Variants in EYS observed in about 807,000 individuals in gnomAD.
The protein encoded by EYS is protein eyes shut homolog.
In EYS, 250 loss-of-function variants were observed where a neutral mutation model predicts 282.1. The ratio of observed to expected loss-of-function variants is 0.89; its 90% CI spans 0.80 to 0.98. The LOEUF (loss-of-function observed/expected upper bound fraction) is 0.98, where lower values mean the gene tolerates loss of function less well. Among genes scored for constraint, EYS ranks in the 50% least tolerant of loss-of-function variants. The pLI, the probability that EYS is intolerant of heterozygous loss-of-function variation, is 0.00. For missense variants in EYS, 4,016 were observed against 3,709.0 expected (o/e 1.08, Z -2.15); for synonymous variants, 1,355 against 1,282.9 (o/e 1.06, Z -1.20).
chr6:64,137,384 C>T (rs949573169), intron 31 of EYS, among the ~76,000 whole-genome samples: 1 of 152,074 alleles, frequency 6.6e-6, no homozygotes, highest in Non-Finnish European at 1.5e-5. Context: ...AGATCTTTTC[C>T]TTTGCATTCA....
intron 5 of EYS, among the ~76,000 whole-genome samples, chr6:65,448,522 A>T (rs1037445286): frequency 6.6e-6 from 1 of 152,026 alleles, no homozygotes; most frequent in Admixed American, 6.6e-5. Context: ...TGCTTCATTG[A>T]CATGAAACTG....
chr6:64,391,054 G>A (rs987799840), intron 28 of EYS, among the ~76,000 whole-genome samples: 2 of 152,262 alleles, frequency 1.3e-5, no homozygotes, highest in Admixed American at 1.3e-4. Context: ...ATGAAATGAA[G>A]CGAGAAGGGA....
At chr6:64,127,802 A>G (rs1161112496) in intron 31 of EYS, among the ~76,000 whole-genome samples, 1 of 152,158 alleles carries the variant, frequency 6.6e-6, no homozygotes, top group Non-Finnish European at 1.5e-5. Flanking sequence ...AACTGTTTCA[A>G]GGAATCTTGA....
At chr6:65,461,668 TA>T (rs2150410002) in intron 5 of EYS, among the ~76,000 whole-genome samples, 1 of 152,272 alleles carries the variant, frequency 6.6e-6, no homozygotes, top group African/African-American at 2.4e-5. Flanking sequence ...GTTTTAAGCA[TA>T]CCTTCTTAAG....
At chr6:64,440,116 A>T (rs1162806410) in intron 26 of EYS, among the ~76,000 whole-genome samples, 1 of 151,806 alleles carries the variant, frequency 6.6e-6, no homozygotes, top group Non-Finnish European at 1.5e-5. Context: ...GACGTCCCCA[A>T]CACAAGCTTT....
At chr6:64,933,546 T>C (rs1326154031) in intron 15 of EYS, among the ~76,000 whole-genome samples, 1 of 151,960 alleles carries the variant, frequency 6.6e-6, no homozygotes, top group Non-Finnish European at 1.5e-5. Context: ...GAGTGTAAAT[T>C]AGTTGCACCA....
rs552081577 is a variant in EYS at position 64,853,986 on chromosome 6, G to A, written c.2993-31164C>T. Among the ~76,000 whole-genome samples the A allele has an allele frequency of 6.1e-3, 932 of 151,986 alleles. 4 individuals are homozygous for A. Among genetic ancestry groups the A allele is most frequent in the Non-Finnish European group, 8.7e-3 (594 of 67,956 alleles). ...AAATAAGACATTTATGCAGCCAACA[G>A]ACACATGAAAAAATGCTCATCATCA... On this transcript the variant is annotated intron_variant, in intron 19 of 42. Coordinates refer to ENST00000503581, the MANE Select transcript of EYS (RefSeq NM_001142800.2).
intron 31 of EYS, among the ~76,000 whole-genome samples, chr6:64,103,105 G>A (rs1772888883): frequency 6.6e-6 from 1 of 152,088 alleles, no homozygotes; most frequent in African/African-American, 2.4e-5. Flanking sequence ...TTAAAGCCTG[G>A]ATGATGATAG....
At chr6:64,815,328 C>A in intron 21 of EYS, 1 of 311,854 alleles carries the variant, frequency 3.2e-6, no homozygotes, top group Non-Finnish European at 6.5e-6. Flanking sequence ...CAGGGAGTGG[C>A]ATGGAAACAT....
At chr6:65,501,694 A>G (rs192488683) in intron 2 of EYS, among the ~76,000 whole-genome samples, 331 of 151,902 alleles carry the variant, frequency 2.2e-3, no homozygotes, top group Middle Eastern at 0.011. Flanking sequence ...TTAAATTTTT[A>G]TCAAAATATA....
At chr6:64,507,607 G>GAT (rs201740344) in intron 26 of EYS, among the ~76,000 whole-genome samples, 2,969 of 152,106 alleles carry the variant, frequency 0.02, 47 homozygotes, top group African/African-American at 0.046. Context: ...AATACAACTT[G>GAT]GTTCCTAGAT....
intron 5 of EYS, among the ~76,000 whole-genome samples, chr6:65,483,072 T>TCTTAC (rs1300173665): frequency 6.6e-5 from 10 of 152,284 alleles, no homozygotes; most frequent in African/African-American, 2.4e-4. Flanking sequence ...GATGCATAAA[T>TCTTAC]CTTACATAAC....
chr6:64,055,481 T>C (rs1330064296), intron 33 of EYS, among the ~76,000 whole-genome samples: 1 of 152,166 alleles, frequency 6.6e-6, no homozygotes, highest in Non-Finnish European at 1.5e-5. Flanking sequence ...AAGAGTGCTT[T>C]GCTTCCTCAC....
chr6:65,055,572 C>T lies in EYS; in HGVS notation c.2137+2042G>A, dbSNP rs567038730. ...TGTTCCAATATCTCTTCCAAGATACCATATTACTTTTAGAAGTAATATTTC... is the reference window on the plus strand; with the variant it reads ...TGTTCCAATATCTCTTCCAAGATACTATATTACTTTTAGAAGTAATATTTC... On this transcript the variant is annotated intron_variant, in intron 13 of 42. Transcript: ENST00000503581. 7.2e-5 allele frequency among the ~76,000 whole-genome samples: 11 copies of T among 151,984 alleles called. 1 individual carries two copies. The South Asian group carries it at 1.9e-3, about 26-fold the overall frequency.
At chr6:64,703,435 T>A (rs1376946777) in intron 22 of EYS, among the ~76,000 whole-genome samples, 1,110 of 93,948 alleles carry the variant, frequency 0.012, 88 homozygotes, top group African/African-American at 0.038. Context: ...ATATATTTTT[T>A]TTTTTTTTTT....
intron 34 of EYS, among the ~76,000 whole-genome samples, chr6:63,997,390 C>T (rs1160567422): frequency 6.6e-6 from 1 of 152,106 alleles, no homozygotes; most frequent in South Asian, 2.1e-4. Context: ...CCTCCACAAG[C>T]GTGACCAAAT....
intron 12 of EYS, among the ~76,000 whole-genome samples, chr6:65,251,183 A>C (rs1355876411): frequency 7.1e-6 from 1 of 141,318 alleles, no homozygotes; most frequent in Non-Finnish European, 1.6e-5. Flanking sequence ...AGGAATATTT[A>C]ATAAATAAAG....
At chr6:64,947,584 C>T (rs1769330077) in intron 14 of EYS, among the ~76,000 whole-genome samples, 1 of 150,784 alleles carries the variant, frequency 6.6e-6, no homozygotes, top group South Asian at 2.1e-4. Context: ...ATGCTCCCTA[C>T]ATTGTTAACT....
At chr6:65,077,394 A>G (rs1174026839) in intron 12 of EYS, among the ~76,000 whole-genome samples, 1 of 152,130 alleles carries the variant, frequency 6.6e-6, no homozygotes, top group East Asian at 1.9e-4. Context: ...TGGTTGCATT[A>G]ACACTATGAT....
Sources: gnomAD v4.1 joint callset for allele counts (sites outside exome capture counted in the v4.1 genomes callset) on GRCh38, gnomAD v4.1.1 for gene constraint, MANE v1.5 for transcripts, NCBI Gene and HGNC (gene_info 2026-07-23, HGNC 2026-07-21) for gene names.